Variants in APBA2 observed in about 807,000 individuals in gnomAD.
APBA2 encodes the protein amyloid-beta A4 precursor protein-binding family A member 2.
A neutral mutation model predicts 75.0 loss-of-function variants in APBA2; 30 were observed. The ratio of observed to expected loss-of-function variants is 0.40; its 90% CI spans 0.30 to 0.54. The LOEUF (loss-of-function observed/expected upper bound fraction) is 0.54, where lower values mean the gene tolerates loss of function less well. Ranked by LOEUF, APBA2 falls within the 20% of genes least tolerant of loss-of-function variation. The pLI is 0.49. For missense variants in APBA2, 801 were observed against 1,016.1 expected, an observed-to-expected ratio of 0.79 and a Z score of 2.88; for synonymous variants, 444 against 409.6, an observed-to-expected ratio of 1.08 and a Z score of -1.01.
chr15:29,025,444 T>G (rs2040168260), intron 3 of APBA2, among the ~76,000 whole-genome samples: 3 of 151,078 alleles, frequency 2.0e-5, no homozygotes. Flanking sequence ...TTTTTTGTAA[T>G]TTTTAGTAGA....
At chr15:29,059,258 G>A (rs566010267) in intron 4 of APBA2, among the ~76,000 whole-genome samples, 1 of 152,258 alleles carries the variant, frequency 6.6e-6, no homozygotes, top group East Asian at 1.9e-4. Context: ...TGGCCCTCAA[G>A]TGTGGTGCTG....
chr15:28,889,572 T>C (rs2031991781), intron 1 of APBA2, among the ~76,000 whole-genome samples: 1 of 152,228 alleles, frequency 6.6e-6, no homozygotes, highest in Admixed American at 6.5e-5. Flanking sequence ...GCAGACAGGC[T>C]TACTGCCCAG....
At chr15:29,002,153 ACCTGTCATTT>A (rs2038882120) in intron 3 of APBA2, among the ~76,000 whole-genome samples, 2 of 152,330 alleles carry the variant, frequency 1.3e-5, no homozygotes, top group African/African-American at 4.8e-5. Context: ...ATTTCTTTTA[ACCTGTCATTT>A]CCCAGACTTA....
chr15:29,075,720 C>CTT (rs529720839), intron 5 of APBA2, among the ~76,000 whole-genome samples: 2 of 152,154 alleles, frequency 1.3e-5, no homozygotes, highest in South Asian at 2.1e-4. Context: ...ATCCAGTCTC[C>CTT]TTTATCTTGC....
intron 14 of APBA2, among the ~76,000 whole-genome samples, chr15:29,115,812 A>G (rs932964840): frequency 6.6e-6 from 1 of 152,052 alleles, no homozygotes; most frequent in East Asian, 1.9e-4. Flanking sequence ...CGGGGGAGGG[A>G]GGGCAACGCT....
At chr15:28,983,985 T>C (rs1244965307) in intron 2 of APBA2, among the ~76,000 whole-genome samples, 1 of 152,170 alleles carries the variant, frequency 6.6e-6, no homozygotes, top group African/African-American at 2.4e-5. Context: ...AACCTGGCTT[T>C]CTCTGGGCTA....
intron 2 of APBA2, among the ~76,000 whole-genome samples, chr15:28,963,461 T>G (rs1209015706): frequency 6.6e-6 from 1 of 152,172 alleles, no homozygotes; most frequent in Non-Finnish European, 1.5e-5. Flanking sequence ...AGTGGAGGAC[T>G]GATGAGAACC....
chr15:28,888,321 A>AT (rs1428393061), intron 1 of APBA2, among the ~76,000 whole-genome samples: 1 of 152,150 alleles, frequency 6.6e-6, no homozygotes, highest in Non-Finnish European at 1.5e-5. Flanking sequence ...AGACACCTTG[A>AT]TTTTTCCTAG....
chr15:28,986,252 C>G (rs561000085), intron 2 of APBA2, among the ~76,000 whole-genome samples: 11 of 152,154 alleles, frequency 7.2e-5, no homozygotes, highest in Non-Finnish European at 1.6e-4. Flanking sequence ...TGCCCAACAT[C>G]TGCAAACATT....
chr15:28,904,287 A>T (rs2033027913), intron 1 of APBA2, among the ~76,000 whole-genome samples: 1 of 152,136 alleles, frequency 6.6e-6, no homozygotes, highest in Non-Finnish European at 1.5e-5. Flanking sequence ...ACGGTATATG[A>T]GGAGCACTTT....
At chr15:29,067,349 AC>A (rs1348827669) in intron 4 of APBA2, among the ~76,000 whole-genome samples, 2 of 152,164 alleles carry the variant, frequency 1.3e-5, no homozygotes, top group African/African-American at 4.8e-5. Flanking sequence ...CTGTGATTAT[AC>A]CCATTCAGGC....
chr15:29,078,312 T>A (rs1216722078), intron 6 of APBA2, among the ~76,000 whole-genome samples: 3 of 141,306 alleles, frequency 2.1e-5, no homozygotes, highest in South Asian at 2.3e-4. Flanking sequence ...ATAAAAAAAA[T>A]ATTAAAAAGT....
intron 2 of APBA2, among the ~76,000 whole-genome samples, chr15:28,989,333 T>G (rs755374827): frequency 2.6e-5 from 4 of 152,216 alleles, no homozygotes; most frequent in Non-Finnish European, 4.4e-5. Flanking sequence ...AGTGTCCTCA[T>G]CTGCAAAATG....
intron 3 of APBA2, among the ~76,000 whole-genome samples, chr15:29,029,465 T>C (rs2040382214): frequency 6.6e-6 from 1 of 152,264 alleles, no homozygotes; most frequent in South Asian, 2.1e-4. Context: ...GAATGCTTTC[T>C]AAGCCTCAGT....
intron 1 of APBA2, among the ~76,000 whole-genome samples, chr15:28,891,227 G>A (rs995811914): frequency 6.6e-6 from 1 of 152,174 alleles, no homozygotes; most frequent in African/African-American, 2.4e-5. Flanking sequence ...TGGAAGGCAC[G>A]TCTTGTCTTA....
In APBA2 at chr15:29,046,941, A is replaced by C. The variant is rs1299006790; in HGVS notation, c.-40-6904A>C. On this transcript the variant is annotated intron_variant, in intron 3 of 14. Transcript: ENST00000683413. This position sits in a 1 kb window ranked among gnomAD's most constrained non-coding sequence, Gnocchi z 5.0. ...CCTCATCAGGCATCTCTCCTGGACC[A>C]TTTCATTGACATTTTCCTTAACTCC... 1.3e-5 allele frequency among the ~76,000 whole-genome samples: 2 copies of C among 152,148 alleles called. No individual in the cohort carries two copies. Among genetic ancestry groups the C allele is most frequent in the African/African-American group, 4.8e-5 (2 of 41,408 alleles).
At chr15:28,892,376 A>G (rs915573830) in intron 1 of APBA2, among the ~76,000 whole-genome samples, 35 of 152,260 alleles carry the variant, frequency 2.3e-4, no homozygotes, top group African/African-American at 7.9e-4. Context: ...CGCCTGGCCC[A>G]TGTTTTATCT....
rs139362409 is a variant in APBA2, at chr15:29,101,686, C to T, written c.1426C>T (p.Pro476Ser). Reference protein sequence around the residue: ...IVVLMARRRMPRSASQDCIET... With the variant: ...IVVLMARRRMSRSASQDCIET... ...AGTGCTGATGGCCAGACGCCGCATG[C>T]CCCGGTCAGCCTCTCAGGACTGCAT... Residue 476 changes from proline to serine, a missense_variant, in exon 10 of 15, where the codon CCC becomes TCC. Coordinates refer to ENST00000683413, the MANE Select transcript of APBA2 (RefSeq NM_001353788.2). 1.9e-5 allele frequency: 31 copies of T among 1,613,574 alleles called. No individual in the cohort carries two copies. The African/African-American group carries it at 3.3e-4, about 17-fold the overall frequency.
At chr15:29,045,075 C>CTCTCTCTCTCTCTCTT (rs1447335150) in intron 3 of APBA2, among the ~76,000 whole-genome samples, 11 of 111,496 alleles carry the variant, frequency 9.9e-5, no homozygotes, top group East Asian at 8.9e-4. Context: ...CTCCTTCTCT[C>CTCTCTCTCTCTCTCTT]TCTCTCTCTC....
Sources: gnomAD v4.1 joint callset for allele counts (sites outside exome capture counted in the v4.1 genomes callset) on GRCh38, gnomAD v4.1.1 for gene constraint, Gnocchi (gnomAD v3.1) non-coding constraint, MANE v1.5 for transcripts, NCBI Gene and HGNC (gene_info 2026-07-23, HGNC 2026-07-21) for gene names.